The following COMMD1 variants were observed in gnomAD, a reference collection of about 807,000 sequenced individuals.
The protein encoded by COMMD1 is COMM domain-containing protein 1.
Under a neutral mutation model 17.2 loss-of-function variants are expected in COMMD1, and 10 were observed. That is an observed-to-expected ratio of 0.58 (90% CI 0.36 to 0.99). COMMD1 has a LOEUF of 0.99. COMMD1 is among the 50% of genes least tolerant of loss of function. The pLI is 0.01. For synonymous variants in COMMD1, 97 were observed against 91.6 expected, an observed-to-expected ratio of 1.06 and a Z score of -0.34; for missense variants, 270 against 231.8, an observed-to-expected ratio of 1.17 and a Z score of -1.07.
intron 1 of COMMD1, among the ~76,000 whole-genome samples, chr2:61,935,919 C>T (rs894513832): frequency 3.3e-5 from 5 of 151,798 alleles, no homozygotes; most frequent in Non-Finnish European, 7.4e-5. Context: ...AGGGTTCAAG[C>T]GATTCTCCTG....
intron 1 of COMMD1, among the ~76,000 whole-genome samples, chr2:61,977,763 G>A (rs529303615): frequency 1.3e-5 from 2 of 151,842 alleles, no homozygotes; most frequent in East Asian, 3.9e-4. Context: ...GAGACAGGCC[G>A]ATCACTTGAG....
chr2:61,906,527 A>G (rs1669775590), intron 1 of COMMD1, among the ~76,000 whole-genome samples: 1 of 152,216 alleles, frequency 6.6e-6, no homozygotes, highest in African/African-American at 2.4e-5. Context: ...TTTTACACTT[A>G]AAGCACATAT....
At chr2:62,016,433 C>T (rs1026990477) in intron 2 of COMMD1, among the ~76,000 whole-genome samples, 3 of 150,708 alleles carry the variant, frequency 2.0e-5, no homozygotes, top group Non-Finnish European at 2.9e-5. Flanking sequence ...TGGTCTTGAA[C>T]TCCTGGGCTG....
chr2:62,036,521 T>A (rs1670042895), intron 2 of COMMD1, among the ~76,000 whole-genome samples: 1 of 152,244 alleles, frequency 6.6e-6, no homozygotes, highest in Non-Finnish European at 1.5e-5. Context: ...GGATATGGTA[T>A]TAGGTATAAC....
intron 2 of COMMD1, among the ~76,000 whole-genome samples, chr2:62,037,349 T>G (rs1385187269): frequency 6.6e-6 from 1 of 152,214 alleles, no homozygotes; most frequent in African/African-American, 2.4e-5. Context: ...ATAAATGGGA[T>G]ACACCCTGCC....
intron 1 of COMMD1, among the ~76,000 whole-genome samples, chr2:61,969,967 A>C (rs1671602744): frequency 6.6e-6 from 1 of 152,086 alleles, no homozygotes; most frequent in South Asian, 2.1e-4. Context: ...GAATGAGAAT[A>C]ATCATAGCGC....
chr2:62,052,812 C>T (rs377207546), intron 2 of COMMD1, among the ~76,000 whole-genome samples: 22 of 152,162 alleles, frequency 1.4e-4, no homozygotes, highest in Admixed American at 1.2e-3. Context: ...TGGTGGCTCA[C>T]GCCTATAATC....
intron 1 of COMMD1, among the ~76,000 whole-genome samples, chr2:61,987,235 G>T (rs191118489): frequency 6.6e-6 from 1 of 152,104 alleles, no homozygotes; most frequent in Non-Finnish European, 1.5e-5. Context: ...GGATGGTCTC[G>T]ATGCTTGTGG....
chr2:61,890,208 GTTGT>G (rs148403928), intron 1 of COMMD1, among the ~76,000 whole-genome samples: 210 of 152,142 alleles, frequency 1.4e-3, no homozygotes, highest in African/African-American at 4.1e-3. Context: ...TGGTGGTGGT[GTTGT>G]TTGTTTGTTT....
chr2:62,058,834 G>A (rs1040984917), intron 2 of COMMD1, among the ~76,000 whole-genome samples: 2 of 151,980 alleles, frequency 1.3e-5, no homozygotes, highest in African/African-American at 4.8e-5. Context: ...AGGCTGGAGT[G>A]CAATGGCGCA....
At chr2:62,074,575 G>A (rs1671287142) in intron 2 of COMMD1, among the ~76,000 whole-genome samples, 1 of 152,198 alleles carries the variant, frequency 6.6e-6, no homozygotes, top group African/African-American at 2.4e-5. Flanking sequence ...AACCCAGGAG[G>A]CTAAACAGTA....
intron 2 of COMMD1, among the ~76,000 whole-genome samples, chr2:62,112,363 G>A (rs539597236): frequency 6.6e-6 from 1 of 152,350 alleles, no homozygotes; most frequent in African/African-American, 2.4e-5. Flanking sequence ...GCTTGTCATA[G>A]CCTGAAGCAG....
intron 1 of COMMD1, among the ~76,000 whole-genome samples, chr2:61,942,822 G>A (rs1396313862): frequency 1.3e-5 from 2 of 152,148 alleles, no homozygotes; most frequent in Non-Finnish European, 2.9e-5. Flanking sequence ...ACGGGCAGGA[G>A]CCACTGTGTC....
Position 62,001,002 on chromosome 2 carries a change from A to G in COMMD1, c.462+20A>G, listed in dbSNP as rs770032859. 31 of 1,606,868 alleles carry G rather than the reference A, an allele frequency of 1.9e-5. No individual in the cohort carries two copies. Among genetic ancestry groups the G allele is most frequent in the Non-Finnish European group, 2.5e-5 (30 of 1,178,424 alleles). The stretch of plus-strand genomic sequence containing the variant: ...GGACAGGTGAGTTAAACTTAAGTCA[A>G]TTTTCCTTTGTAAACTGTATTTTTC... On this transcript the variant is annotated intron_variant, in intron 2 of 2. Coordinates refer to ENST00000311832, the MANE Select transcript of COMMD1 (RefSeq NM_152516.4).
At chr2:61,999,117 A>C (rs1668849335) in intron 1 of COMMD1, among the ~76,000 whole-genome samples, 1 of 152,262 alleles carries the variant, frequency 6.6e-6, no homozygotes, top group African/African-American at 2.4e-5. Context: ...TAGGGTTGCC[A>C]CAGACCTTCA....
At chr2:61,910,236 C>T (rs1229120555) in intron 1 of COMMD1, among the ~76,000 whole-genome samples, 2 of 150,944 alleles carry the variant, frequency 1.3e-5, no homozygotes, top group South Asian at 2.1e-4. Flanking sequence ...ATATAAAAGG[C>T]AGTTGCTAAA....
intron 1 of COMMD1, among the ~76,000 whole-genome samples, chr2:61,972,465 C>G (rs905351838): frequency 2.0e-5 from 3 of 152,126 alleles, no homozygotes; most frequent in Non-Finnish European, 4.4e-5. Flanking sequence ...GTAATGACTT[C>G]CTTCTAAGAA....
intron 1 of COMMD1, among the ~76,000 whole-genome samples, chr2:61,952,997 T>C (rs1470282018): frequency 6.6e-6 from 1 of 152,198 alleles, no homozygotes; most frequent in East Asian, 1.9e-4. Context: ...TGCCAACACT[T>C]GAAAAATATT....
At chr2:62,078,083 G>GACTA (rs1671398884) in intron 2 of COMMD1, among the ~76,000 whole-genome samples, 1 of 151,880 alleles carries the variant, frequency 6.6e-6, no homozygotes, top group Non-Finnish European at 1.5e-5. Flanking sequence ...AGACTATCCT[G>GACTA]ACTAACACGG....
Sources: allele counts gnomAD v4.1 joint callset (sites outside exome capture counted in the v4.1 genomes callset), GRCh38; gene constraint gnomAD v4.1.1; transcripts MANE v1.5; gene names NCBI Gene and HGNC (gene_info 2026-07-23, HGNC 2026-07-21).